The following SORCS1 variants were observed in gnomAD, a reference collection of about 807,000 sequenced individuals.
The protein encoded by SORCS1 is VPS10 domain-containing receptor SorCS1.
SORCS1 carries 60 observed loss-of-function variants against 146.1 expected under a neutral mutation model. The observed-to-expected ratio is 0.41, with a 90% CI of 0.33 to 0.51. The LOEUF is 0.51. Ranked by LOEUF, SORCS1 falls within the 20% of genes least tolerant of loss-of-function variation. The probability of loss-of-function intolerance (pLI) is 0.21; values close to 1 mark genes in which losing one functional copy is unlikely to be tolerated. For synonymous variants in SORCS1, 637 were observed against 584.0 expected, an observed-to-expected ratio of 1.09 and a Z score of -1.31; for missense variants, 1,352 against 1,487.6, an observed-to-expected ratio of 0.91 and a Z score of 1.50.
chr10:106,870,257 T>C (rs1950357640), intron 2 of SORCS1, among the ~76,000 whole-genome samples: 1 of 152,190 alleles, frequency 6.6e-6, no homozygotes, highest in Non-Finnish European at 1.5e-5. Flanking sequence ...CTTTGAAATG[T>C]CCATGCTGGC....
chr10:106,577,134 GTGTTTGTT>G lies in SORCS1; in HGVS notation c.*278_*285del. 3 of 1,173,254 alleles carry G rather than the reference GTGTTTGTT, an allele frequency of 2.6e-6. No individual in the cohort carries two copies. Among genetic ancestry groups the G allele is most frequent in the Non-Finnish European group, 1.2e-6 (1 of 868,584 alleles). 72.7% of individuals were successfully genotyped at this position (1,173,254 alleles called of 1,614,324 possible). A position where few individuals can be genotyped will look rare whatever the true frequency, so the allele number is the denominator to read the frequency against. On this transcript the variant is annotated 3_prime_UTR_variant, in exon 26 of 26. Transcript: ENST00000263054. The stretch of plus-strand genomic sequence containing the variant: ...GAATTAAAAAGTCCCGATGCAGTGA[GTGTTTGTT>G]TGTTTGTTTGGATTTTGATTGTTTA...
At chr10:107,104,496 G>C (rs1220847988) in intron 1 of SORCS1, among the ~76,000 whole-genome samples, 1 of 152,172 alleles carries the variant, frequency 6.6e-6, no homozygotes, top group African/African-American at 2.4e-5. Context: ...TCAGGATCTG[G>C]AGTGTGGGAA....
intron 2 of SORCS1, among the ~76,000 whole-genome samples, chr10:106,903,681 T>C (rs1951807326): frequency 6.6e-6 from 1 of 152,248 alleles, no homozygotes; most frequent in Non-Finnish European, 1.5e-5. Context: ...TAATTACCTT[T>C]AAATTACATT....
At chr10:107,036,421 G>A (rs759702436) in intron 1 of SORCS1, among the ~76,000 whole-genome samples, 8 of 152,088 alleles carry the variant, frequency 5.3e-5, no homozygotes, top group Non-Finnish European at 7.4e-5. Flanking sequence ...AATTGCATTC[G>A]TGAGATAGAA....
chr10:106,760,230 G>C (rs1858979023), intron 5 of SORCS1, among the ~76,000 whole-genome samples: 1 of 151,840 alleles, frequency 6.6e-6, no homozygotes, highest in African/African-American at 2.4e-5. Flanking sequence ...GGATCTTGAG[G>C]TCATTAGATC....
chr10:106,886,349 A>G (rs984135606), intron 2 of SORCS1, among the ~76,000 whole-genome samples: 2 of 152,194 alleles, frequency 1.3e-5, no homozygotes, highest in Non-Finnish European at 2.9e-5. Flanking sequence ...TATCAGCAAC[A>G]TAAAAATGGA....
chr10:107,028,892 G>A (rs758767314), intron 1 of SORCS1, among the ~76,000 whole-genome samples: 5 of 152,126 alleles, frequency 3.3e-5, no homozygotes, highest in South Asian at 2.1e-4. Flanking sequence ...ACTTAATCTC[G>A]CTTGACTTCT....
At chr10:106,685,255 C>G (rs765271458) in intron 10 of SORCS1, among the ~76,000 whole-genome samples, 1 of 152,130 alleles carries the variant, frequency 6.6e-6, no homozygotes, top group South Asian at 2.1e-4. Flanking sequence ...ACACTCCCAA[C>G]GTGGCACCCC....
rs201889963 is a variant in SORCS1 at position 106,629,292 on chromosome 10, C to T, written c.2572G>A (p.Val858Ile). The T allele has an allele frequency of 1.1e-4, 179 of 1,614,166 alleles. 1 individual carries two copies. The highest frequency in any genetic ancestry group is 1.5e-4 in the Non-Finnish European group (173 of 1,180,020). ...CGGAAAATGCCCACGTTCTGATAGA[C>T]GTGTTTGATCCCATCTTCCATGGAG... is the stretch of plus-strand genomic sequence containing the variant. ...LSSMEDGIKH[V>I]YQNVGIFRVT... The change falls in exon 19 of 26, where the codon GTC becomes ATC. Residue 858 changes from valine to isoleucine, a missense_variant. By Grantham distance (29) the Val-to-Ile change is conservative. Coordinates refer to ENST00000263054, the MANE Select transcript of SORCS1 (RefSeq NM_052918.5).
intron 3 of SORCS1, among the ~76,000 whole-genome samples, chr10:106,806,516 T>C (rs1264802235): frequency 9.1e-6 from 1 of 109,454 alleles, no homozygotes; most frequent in Non-Finnish European, 1.9e-5. Flanking sequence ...TTTTTTTTTT[T>C]TTTTTTTTTT....
chr10:107,029,089 A>G (rs940598443), intron 1 of SORCS1, among the ~76,000 whole-genome samples: 2 of 152,218 alleles, frequency 1.3e-5, no homozygotes, highest in South Asian at 4.1e-4. Context: ...TAGTGGGAAG[A>G]TTACTATATA....
chr10:106,705,091 C>T (rs1342112977), intron 8 of SORCS1, among the ~76,000 whole-genome samples: 1 of 151,790 alleles, frequency 6.6e-6, no homozygotes, highest in Non-Finnish European at 1.5e-5. Flanking sequence ...AAATTCTTGT[C>T]TTACTGGAGA....
At position 107,012,038 on chromosome 10, in the gene SORCS1, G is replaced by A. The variant is rs567268511; in HGVS notation, c.559-55458C>T. 1.9e-4 allele frequency among the ~76,000 whole-genome samples: 29 copies of A among 152,212 alleles called. 1 individual carries two copies. The South Asian group carries it at 3.9e-3, about 21-fold the overall frequency. ...TTTTTAACATCAGAAGCAGTTCCTCGAAGATAACATGTTCAAATGTGCCCA... is the reference window on the plus strand; with the variant it reads ...TTTTTAACATCAGAAGCAGTTCCTCAAAGATAACATGTTCAAATGTGCCCA... On this transcript the variant is annotated intron_variant, in intron 1 of 25. Coordinates refer to ENST00000263054, the MANE Select transcript of SORCS1 (RefSeq NM_052918.5).
chr10:106,730,934 G>A (rs1195423923), intron 5 of SORCS1, among the ~76,000 whole-genome samples: 1 of 152,040 alleles, frequency 6.6e-6, no homozygotes, highest in Non-Finnish European at 1.5e-5. Context: ...ACAGCGAAAT[G>A]CCTCCAAACT....
chr10:106,741,419 T>C (rs1857352756), intron 5 of SORCS1, among the ~76,000 whole-genome samples: 2 of 152,060 alleles, frequency 1.3e-5, no homozygotes, highest in South Asian at 2.1e-4. Context: ...GCCAACATGG[T>C]GAAACCCCGT....
chr10:106,909,268 T>C (rs1351519533), intron 2 of SORCS1, among the ~76,000 whole-genome samples: 1 of 152,254 alleles, frequency 6.6e-6, no homozygotes, highest in Non-Finnish European at 1.5e-5. Context: ...GCTCTCATGC[T>C]GAGGACCCTT....
chr10:107,101,293 G>A (rs767962372), intron 1 of SORCS1, among the ~76,000 whole-genome samples: 3 of 152,122 alleles, frequency 2.0e-5, no homozygotes, highest in Non-Finnish European at 2.9e-5. Context: ...TGATCCACCC[G>A]CCTTGGCCTC....
At chr10:106,835,616 T>C (rs929322208) in intron 2 of SORCS1, among the ~76,000 whole-genome samples, 2 of 152,186 alleles carry the variant, frequency 1.3e-5, no homozygotes, top group African/African-American at 4.8e-5. Context: ...ACAGAGTTAA[T>C]GGTAAGAACT....
intron 24 of SORCS1, among the ~76,000 whole-genome samples, chr10:106,595,521 A>AT (rs1845854565): frequency 6.6e-6 from 1 of 152,176 alleles, no homozygotes; most frequent in African/African-American, 2.4e-5. Flanking sequence ...CCACACCTCC[A>AT]TACTCCATGC....
Sources: allele counts gnomAD v4.1 joint callset (sites outside exome capture counted in the v4.1 genomes callset), GRCh38; gene constraint gnomAD v4.1.1; transcripts MANE v1.5; gene names NCBI Gene and HGNC (gene_info 2026-07-23, HGNC 2026-07-21).